ATG2B: variants seen among roughly 807,000 people sequenced by gnomAD.
The protein encoded by ATG2B is autophagy related 2B.
Under a neutral mutation model 241.3 loss-of-function variants are expected in ATG2B, and 121 were observed. That is an observed-to-expected ratio of 0.50 (90% CI 0.43 to 0.58). ATG2B has a LOEUF of 0.58. ATG2B is among the 20% of genes least tolerant of loss of function. The pLI is 0.00. For missense variants in ATG2B, 2,306 were observed against 2,491.6 expected, an observed-to-expected ratio of 0.93 and a Z score of 1.59; for synonymous variants, 858 against 876.6, an observed-to-expected ratio of 0.98 and a Z score of 0.37.
chr14:96,353,760 TTA>T (rs1475055736), intron 1 of ATG2B, among the ~76,000 whole-genome samples: 1 of 151,830 alleles, frequency 6.6e-6, no homozygotes, highest in African/African-American at 2.4e-5. Context: ...CAATTTCAAT[TTA>T]TATGTTTTTA....
intron 1 of ATG2B, among the ~76,000 whole-genome samples, chr14:96,360,836 G>A (rs1477599622): frequency 6.9e-6 from 1 of 145,628 alleles, no homozygotes; most frequent in Non-Finnish European, 1.5e-5. Context: ...GCTCATGCCT[G>A]TAATCTGAGC....
Position 96,285,674 on chromosome 14 carries a change from C to G in ATG2B, c.*81G>C, listed in dbSNP as rs913597829. On this transcript the variant is annotated 3_prime_UTR_variant, in exon 42 of 42. Coordinates refer to ENST00000359933, the MANE Select transcript of ATG2B (RefSeq NM_018036.7). This position sits in a 1 kb window ranked among gnomAD's most constrained non-coding sequence, Gnocchi z 4.2. ...CTGAGATGAGCACAATAAAATTAAA[C>G]GAGCTTCCTCTGAAGCTGCTGTCAG... 7.7e-7 allele frequency: 1 copy of G among 1,303,500 alleles called. No homozygotes were observed. 80.7% of individuals were successfully genotyped at this position (1,303,500 alleles called of 1,614,324 possible).
intron 28 of ATG2B, among the ~76,000 whole-genome samples, chr14:96,310,535 T>G (rs1887121901): frequency 6.6e-6 from 1 of 152,212 alleles, no homozygotes; most frequent in African/African-American, 2.4e-5. Context: ...AAAAGTGCAT[T>G]GAACTGGACA....
intron 1 of ATG2B, among the ~76,000 whole-genome samples, chr14:96,360,888 T>C (rs1388982279): frequency 1.6e-5 from 2 of 123,870 alleles, no homozygotes; most frequent in African/African-American, 6.2e-5. Flanking sequence ...AAACCAGGAG[T>C]TCAAGACCAG....
rs544757599 is a variant in ATG2B, at chr14:96,329,031, T to C, written c.1882-265A>G. 3.9e-3 allele frequency among the ~76,000 whole-genome samples: 599 copies of C among 152,260 alleles called. 6 individuals carry two copies. Among genetic ancestry groups the C allele is most frequent in the African/African-American group, 0.013 (544 of 41,576 alleles). ...CTATAAAGGGTCAAAGTAACAGCAA[T>C]GAACATAACTTTGACAGTTTTCTAA... On this transcript the variant is annotated intron_variant, in intron 12 of 41. Transcript: ENST00000359933.
intron 27 of ATG2B, 120 bp downstream of exon 27, chr14:96,311,422 A>G: frequency 1.7e-6 from 2 of 1,159,794 alleles, no homozygotes; most frequent in South Asian, 3.1e-5. Context: ...AAATAAATCC[A>G]TTTTTAATAT....
chr14:96,296,980 C>A (rs1175511135), intron 34 of ATG2B, among the ~76,000 whole-genome samples: 1 of 152,010 alleles, frequency 6.6e-6, no homozygotes, highest in African/African-American at 2.4e-5. Context: ...AAGCAATGGA[C>A]TGCAGCACAA....
intron 37 of ATG2B, 35 bp from the exon 38 acceptor site, chr14:96,291,717 G>A (rs549179627): frequency 2.6e-5 from 38 of 1,450,894 alleles, no homozygotes; most frequent in African/African-American, 2.8e-5. Flanking sequence ...TAACCTTACT[G>A]TAAATTAAGA....
chr14:96,301,985 G>GA, intron 34 of ATG2B, 22 bp downstream of exon 34: 1 of 1,563,100 alleles, frequency 6.4e-7, no homozygotes, highest in South Asian at 1.1e-5. Context: ...GTAACGGCAG[G>GA]AATCACGCTC....
chr14:96,343,115 T>C lies in ATG2B; in HGVS notation c.744+4A>G. 1 of 1,537,202 alleles carries C rather than the reference T, an allele frequency of 6.5e-7. No individual in the cohort carries two copies. ...ATGGTTTTAGGGTTTTTGTTTTTTC[T>C]TACCACTGGTGCAGTTGAACACACT... On this transcript the variant is annotated splice_donor_region_variant and intron_variant, in intron 5 of 41. Coordinates refer to ENST00000359933, the MANE Select transcript of ATG2B (RefSeq NM_018036.7).
At chr14:96,358,750 C>T (rs571707108) in intron 1 of ATG2B, among the ~76,000 whole-genome samples, 26 of 147,056 alleles carry the variant, frequency 1.8e-4, no homozygotes, top group African/African-American at 5.8e-4. Flanking sequence ...CTCACCAGTC[C>T]TATCAAGTAT....
chr14:96,333,757 G>A lies in ATG2B; in HGVS notation c.1138C>T (p.Leu380Phe). ...TGCTCTGAAGATACACCCACAGAGA[G>A]GGAATCTTTTCTCAAATAATACCGG... ...LNRYYLRKDS[L>F]SVGVSSEQSF... Residue 380 changes from leucine (L) to phenylalanine (F), a missense_variant, in exon 8 of 42, where the codon CTC becomes TTC. Around this residue, in one of 2 missense-constraint regions of ATG2B, gnomAD observed 1,927 missense variants for 2,011.2 expected, o/e 0.96. Transcript: ENST00000359933. The A allele has an allele frequency of 2.5e-6, 4 of 1,613,920 alleles. No homozygotes were observed. The highest frequency in any genetic ancestry group is 2.2e-5 in the East Asian group (1 of 44,864).
intron 29 of ATG2B, among the ~76,000 whole-genome samples, chr14:96,308,512 A>C (rs1595303089): frequency 7.2e-6 from 1 of 138,176 alleles, no homozygotes; most frequent in Non-Finnish European, 1.5e-5. Flanking sequence ...CATGTTGCCG[A>C]GGCTGGTCTC....
At position 96,285,678 on chromosome 14, in the gene ATG2B, C is replaced by G. The variant is rs547515428; in HGVS notation, c.*77G>C. On this transcript the variant is annotated 3_prime_UTR_variant, in exon 42 of 42. Coordinates refer to ENST00000359933, the MANE Select transcript of ATG2B (RefSeq NM_018036.7). This position sits in a 1 kb window ranked among gnomAD's most constrained non-coding sequence, Gnocchi z 4.2. ...GATGAGCACAATAAAATTAAACGAG[C>G]TTCCTCTGAAGCTGCTGTCAGGACT... 5.2e-6 allele frequency: 7 copies of G among 1,351,204 alleles called. No individual in the cohort carries two copies. The African/African-American group carries it at 1.0e-4, about 20-fold the overall frequency. The allele number at this position is 1,351,204 out of a possible 1,614,324, so 83.7% of individuals were successfully genotyped here.
rs566103280 is a variant in ATG2B at position 96,328,748 on chromosome 14, T to C, written c.1900A>G (p.Lys634Glu). The C allele has an allele frequency of 5.4e-5, 87 of 1,611,020 alleles. No homozygotes were observed. The highest frequency in any genetic ancestry group is 5.0e-4 in the Middle Eastern group (3 of 6,048). The change falls in exon 13 of 42, where the codon AAA becomes GAA. Residue 634 changes from lysine (K) to glutamate (E), a missense_variant. This residue lies in a region of ATG2B where 1,927 missense variants were observed against 2,011.2 expected (regional missense o/e 0.96). Coordinates refer to ENST00000359933, the MANE Select transcript of ATG2B (RefSeq NM_018036.7). The part of the protein sequence containing the change: ...HYTELLTFHS[K>E]EETGSHSPVC... ...GGGGAATGGGAACCAGTTTCTTCTT[T>C]GGAATGGAACGTTAAAAGCTTAAAA...
At chr14:96,315,014 A>C in intron 23 of ATG2B, 140 bp downstream of exon 23, 5 of 654,652 alleles carry the variant, frequency 7.6e-6, no homozygotes, top group Non-Finnish European at 1.3e-5. Flanking sequence ...TTCTTAACCT[A>C]AAAGGTGGTG....
Position 96,279,588 on chromosome 14 carries a change from T to C in ATG2B, c.*6167A>G, listed in dbSNP as rs1056448320. ...TTAACAAACAAAAAAAAGGAAAGCATGCTATAGTGGGAAACAGAGAGGAAG... is the reference window on the plus strand; with the variant it reads ...TTAACAAACAAAAAAAAGGAAAGCACGCTATAGTGGGAAACAGAGAGGAAG... On this transcript the variant is annotated 3_prime_UTR_variant, in exon 42 of 42. Coordinates refer to ENST00000359933, the MANE Select transcript of ATG2B (RefSeq NM_018036.7). 6.6e-6 allele frequency: 1 copy of C among 152,112 alleles called. No individual in the cohort carries two copies. Among genetic ancestry groups the C allele is most frequent in the Non-Finnish European group, 1.5e-5 (1 of 68,066 alleles). The allele number at this position is 152,112 out of a possible 1,614,324, so 9.4% of individuals were successfully genotyped here. A position where few individuals can be genotyped will look rare whatever the true frequency, so the allele number is the denominator to read the frequency against.
At chr14:96,293,891 GT>G (rs1886557601) in intron 36 of ATG2B, among the ~76,000 whole-genome samples, 1 of 151,988 alleles carries the variant, frequency 6.6e-6, no homozygotes. Context: ...TCAGGCCCAT[GT>G]TTACAAAAAC....
At chr14:96,295,417 C>A (rs1381014441) in intron 35 of ATG2B, 65 bp downstream of exon 35, 2 of 1,131,202 alleles carry the variant, frequency 1.8e-6, no homozygotes, top group African/African-American at 3.1e-5. Flanking sequence ...CTCAAAAAAG[C>A]CTCATAACAA....
Sources: gnomAD v4.1 joint callset for allele counts (sites outside exome capture counted in the v4.1 genomes callset) on GRCh38, gnomAD v4.1.1 for gene constraint, gnomAD v4.1.1 regional missense constraint, Gnocchi (gnomAD v3.1) non-coding constraint, MANE v1.5 for transcripts, NCBI Gene and HGNC (gene_info 2026-07-23, HGNC 2026-07-21) for gene names.